DCC: variants seen among roughly 807,000 people sequenced by gnomAD.
DCC encodes the protein DCC netrin 1 receptor.
In DCC, 58 loss-of-function variants were observed where a neutral mutation model predicts 172.5. That is an observed-to-expected ratio of 0.34 (90% CI 0.27 to 0.42). DCC has a LOEUF of 0.42. Ranked by LOEUF, DCC falls within the 10% of genes least tolerant of loss-of-function variation. The pLI is 1.00. For synonymous variants in DCC, 709 were observed against 644.5 expected, an observed-to-expected ratio of 1.10 and a Z score of -1.52; for missense variants, 1,740 against 1,791.0, an observed-to-expected ratio of 0.97 and a Z score of 0.51.
At chr18:53,141,648 A>C (rs907590336) in intron 7 of DCC, among the ~76,000 whole-genome samples, 3 of 152,208 alleles carry the variant, frequency 2.0e-5, no homozygotes, top group African/African-American at 7.2e-5. Flanking sequence ...GATTCTTTCA[A>C]TGACACATTC....
At chr18:52,636,070 C>T (rs373033988) in intron 1 of DCC, among the ~76,000 whole-genome samples, 2 of 152,156 alleles carry the variant, frequency 1.3e-5, no homozygotes, top group East Asian at 3.9e-4. Context: ...CTGAACACAC[C>T]CCCCTAACTG....
chr18:53,454,001 C>T (rs561673630), intron 23 of DCC, among the ~76,000 whole-genome samples: 10 of 152,088 alleles, frequency 6.6e-5, no homozygotes, highest in Admixed American at 2.6e-4. Context: ...TGAAGAGACC[C>T]CTTCCACAGT....
chr18:53,423,498 A>T (rs1048705679), intron 21 of DCC, among the ~76,000 whole-genome samples: 160 of 152,242 alleles, frequency 1.1e-3, no homozygotes, highest in African/African-American at 3.0e-3. Flanking sequence ...ACCCTGGAAA[A>T]AGTGCATTTT....
chr18:52,981,644 T>TACCA (rs2041211359), intron 5 of DCC, among the ~76,000 whole-genome samples: 1 of 152,166 alleles, frequency 6.6e-6, no homozygotes, highest in South Asian at 2.1e-4. Flanking sequence ...GTGAGATTGG[T>TACCA]ACAATTAATG....
intron 15 of DCC, among the ~76,000 whole-genome samples, chr18:53,378,368 CATAAT>C (rs1407358475): frequency 6.6e-6 from 1 of 152,068 alleles, no homozygotes; most frequent in African/African-American, 2.4e-5. Context: ...TTATAAAATA[CATAAT>C]ATATCTTACA....
intron 2 of DCC, among the ~76,000 whole-genome samples, chr18:52,843,194 T>A (rs1163929516): frequency 6.6e-6 from 1 of 152,208 alleles, no homozygotes. Context: ...TAGTTAAATG[T>A]ATTAAAAATA....
intron 5 of DCC, among the ~76,000 whole-genome samples, chr18:53,058,220 C>T (rs1012614359): frequency 5.3e-5 from 8 of 151,920 alleles, no homozygotes; most frequent in African/African-American, 1.9e-4. Flanking sequence ...CTATTATATC[C>T]TGTTTTAATA....
At chr18:53,043,868 C>A (rs144785257) in intron 5 of DCC, among the ~76,000 whole-genome samples, 1 of 152,012 alleles carries the variant, frequency 6.6e-6, no homozygotes, top group East Asian at 1.9e-4. Flanking sequence ...ACACACCACA[C>A]TCACTATTCT....
chr18:53,375,056 A>G (rs1195970356), intron 15 of DCC, among the ~76,000 whole-genome samples: 4 of 152,146 alleles, frequency 2.6e-5, no homozygotes. Context: ...CTGCTACTTA[A>G]TGAGCTCTGT....
intron 1 of DCC, among the ~76,000 whole-genome samples, chr18:52,355,035 T>A (rs1016516998): frequency 6.6e-5 from 10 of 152,188 alleles, no homozygotes; most frequent in African/African-American, 2.4e-4. Flanking sequence ...AACTCGCATA[T>A]ATGAAAATGG....
At chr18:52,828,378 G>T (rs1053165827) in intron 2 of DCC, among the ~76,000 whole-genome samples, 5 of 151,950 alleles carry the variant, frequency 3.3e-5, no homozygotes, top group South Asian at 2.1e-4. Flanking sequence ...CCTCTTAACT[G>T]CATGCCACCA....
chr18:52,986,779 A>G (rs997437941), intron 5 of DCC, among the ~76,000 whole-genome samples: 5 of 148,690 alleles, frequency 3.4e-5, no homozygotes, highest in African/African-American at 7.8e-5. Context: ...ATACACATAC[A>G]TATGCATATA....
At chr18:53,454,671 C>T (rs551136450) in intron 23 of DCC, among the ~76,000 whole-genome samples, 1 of 152,274 alleles carries the variant, frequency 6.6e-6, no homozygotes, top group African/African-American at 2.4e-5. Context: ...GACATGTGGA[C>T]AGCAAGTTTT....
chr18:52,905,655 C>A (rs770207529), intron 2 of DCC, among the ~76,000 whole-genome samples: 2 of 152,136 alleles, frequency 1.3e-5, no homozygotes, highest in African/African-American at 2.4e-5. Context: ...GTCCATAGGA[C>A]CAGGATTCGG....
intron 1 of DCC, among the ~76,000 whole-genome samples, chr18:52,669,631 ACACG>A (rs1232400919): frequency 6.6e-6 from 1 of 152,206 alleles, no homozygotes; most frequent in Non-Finnish European, 1.5e-5. Flanking sequence ...ATTGGCAAAT[ACACG>A]GTGCATATAT....
rs138928105 is a variant in DCC at position 52,505,206 on chromosome 18, C to A, written c.91+164328C>A. Among the ~76,000 whole-genome samples the A allele has an allele frequency of 3.1e-3, 434 of 139,212 alleles. 2 individuals carry two copies. The highest frequency in any genetic ancestry group is 4.0e-3 in the Admixed American group (53 of 13,382). The allele number at this position is 139,212 out of a possible 152,430, so 91.3% of individuals were successfully genotyped here. Reference sequence around the variant, plus strand: ...TTTCTGTCTGCCCCTAACTGGATTTCAGCAGCATTTTATTCAGTTTCCACC... The same window carrying A: ...TTTCTGTCTGCCCCTAACTGGATTTAAGCAGCATTTTATTCAGTTTCCACC... On this transcript the variant is annotated intron_variant, in intron 1 of 28. Transcript: ENST00000442544.
intron 2 of DCC, among the ~76,000 whole-genome samples, chr18:52,875,020 G>C (rs1052247420): frequency 6.6e-6 from 1 of 152,078 alleles, no homozygotes; most frequent in African/African-American, 2.4e-5. Flanking sequence ...TAAGGCAGAG[G>C]AATATTGCCT....
At chr18:53,343,322 A>G (rs1478677877) in intron 15 of DCC, among the ~76,000 whole-genome samples, 1 of 152,002 alleles carries the variant, frequency 6.6e-6, no homozygotes, top group Non-Finnish European at 1.5e-5. Context: ...CTTTTGTGAG[A>G]TTAAAGAAAT....
chr18:52,845,072 C>G (rs1448113458), intron 2 of DCC, among the ~76,000 whole-genome samples: 1 of 152,150 alleles, frequency 6.6e-6, no homozygotes, highest in Non-Finnish European at 1.5e-5. Flanking sequence ...GACAAGATGT[C>G]AGTGAAAAAT....
Sources: allele counts gnomAD v4.1 joint callset (sites outside exome capture counted in the v4.1 genomes callset), GRCh38; gene constraint gnomAD v4.1.1; transcripts MANE v1.5; gene names NCBI Gene and HGNC (gene_info 2026-07-23, HGNC 2026-07-21).